CFAP299: variants seen among roughly 807,000 people sequenced by gnomAD.
The protein encoded by CFAP299 is cilia and flagella associated protein 299, also known as cilia- and flagella-associated protein 299.
CFAP299 carries 21 observed loss-of-function variants against 27.0 expected under a neutral mutation model. The observed-to-expected ratio is 0.78, with a 90% CI of 0.55 to 1.12. The LOEUF (loss-of-function observed/expected upper bound fraction) is 1.12, where lower values mean the gene tolerates loss of function less well. Ranked by LOEUF, CFAP299 falls within the 50% of genes most tolerant of loss-of-function variation. The pLI is 0.00. For missense variants in CFAP299, 310 were observed against 276.6 expected (o/e 1.12, Z -0.86); for synonymous variants, 104 against 98.1 (o/e 1.06, Z -0.36).
chr4:80,934,756 C>A (rs1220934570), intron 4 of CFAP299, among the ~76,000 whole-genome samples: 1 of 151,920 alleles, frequency 6.6e-6, no homozygotes, highest in Non-Finnish European at 1.5e-5. Context: ...TCATTTCTAA[C>A]TTTCTTTGGG....
chr4:80,356,782 TAAAG>T (rs1159776770), intron 1 of CFAP299, among the ~76,000 whole-genome samples: 5 of 152,062 alleles, frequency 3.3e-5, no homozygotes, highest in African/African-American at 4.8e-5. Context: ...AATCTGCAAA[TAAAG>T]ACAATTTGAC....
chr4:80,342,462 G>A (rs941608001), intron 1 of CFAP299, among the ~76,000 whole-genome samples: 2 of 152,224 alleles, frequency 1.3e-5, no homozygotes, highest in African/African-American at 4.8e-5. Context: ...TAGACTGACA[G>A]TGGACCTCTC....
intron 4 of CFAP299, among the ~76,000 whole-genome samples, chr4:80,877,769 T>C (rs1211725018): frequency 3.3e-5 from 5 of 152,276 alleles, no homozygotes; most frequent in Non-Finnish European, 7.4e-5. Flanking sequence ...TTCAACTTTT[T>C]ATTATTAATT....
chr4:80,884,618 T>C (rs1733880315), intron 4 of CFAP299, among the ~76,000 whole-genome samples: 1 of 122,250 alleles, frequency 8.2e-6, no homozygotes, highest in South Asian at 2.5e-4. Flanking sequence ...AAGAAAATTA[T>C]AAAATAATAA....
intron 3 of CFAP299, among the ~76,000 whole-genome samples, chr4:80,839,323 G>A (rs1340268846): frequency 6.6e-6 from 1 of 152,104 alleles, no homozygotes; most frequent in African/African-American, 2.4e-5. Context: ...ACATTGTCTA[G>A]AATGTCCTTA....
intron 3 of CFAP299, among the ~76,000 whole-genome samples, chr4:80,689,141 TC>T (rs1268411601): frequency 6.6e-6 from 1 of 152,002 alleles, no homozygotes; most frequent in Admixed American, 6.6e-5. Flanking sequence ...CAGGAGAACT[TC>T]CCCAATCTAG....
rs535927323 is a variant in CFAP299 at position 80,832,776 on chromosome 4, G to T, written c.334-37217G>T. Among the ~76,000 whole-genome samples, 6 of 152,068 alleles carry T rather than the reference G, an allele frequency of 3.9e-5. No individual in the cohort carries two copies. In the South Asian group the frequency reaches 1.2e-3, roughly 32 times the overall value. On this transcript the variant is annotated intron_variant, in intron 3 of 5. Transcript: ENST00000358105. ...TATAAGTTGTGATCATGGAATCATT[G>T]GTTAAGTACAAGTTTTTATCAAATA... is the stretch of plus-strand genomic sequence containing the variant.
intron 3 of CFAP299, among the ~76,000 whole-genome samples, chr4:80,626,289 T>G (rs1169992095): frequency 1.3e-5 from 2 of 151,822 alleles, no homozygotes; most frequent in Non-Finnish European, 2.9e-5. Flanking sequence ...AACTAATAGG[T>G]CAATGAAGAA....
rs147232855 is a variant in CFAP299 at position 80,770,038 on chromosome 4, G to A, written c.334-99955G>A. 7.2e-4 allele frequency among the ~76,000 whole-genome samples: 109 copies of A among 152,204 alleles called. 1 individual carries two copies. The East Asian group carries it at 0.019, about 27-fold the overall frequency. ...AAAAGTAGCAAACTTTCAGAGCTGAGTAGTTTATTAGCTTGTTTCCTGTCA... is the reference window on the plus strand; with the variant it reads ...AAAAGTAGCAAACTTTCAGAGCTGAATAGTTTATTAGCTTGTTTCCTGTCA... On this transcript the variant is annotated intron_variant, in intron 3 of 5. Coordinates refer to ENST00000358105, the MANE Select transcript of CFAP299 (RefSeq NM_152770.3).
At chr4:80,815,752 A>G (rs998121029) in intron 3 of CFAP299, among the ~76,000 whole-genome samples, 1 of 151,982 alleles carries the variant, frequency 6.6e-6, no homozygotes, top group Non-Finnish European at 1.5e-5. Context: ...GCAGAATGAT[A>G]TATAAATTAT....
chr4:80,758,447 G>A (rs926226640), intron 3 of CFAP299, among the ~76,000 whole-genome samples: 1 of 152,088 alleles, frequency 6.6e-6, no homozygotes, highest in Admixed American at 6.5e-5. Flanking sequence ...GGCATAGGAT[G>A]GGGGGAAGGG....
the CFAP299 span, among the ~76,000 whole-genome samples, chr4:80,326,492 A>G: frequency 2.6e-5 from 4 of 152,240 alleles, no homozygotes; most frequent in Non-Finnish European, 5.9e-5. Context: ...GATGGGGCAT[A>G]GTCGCTACAG....
chr4:80,822,218 T>A (rs1054768711), intron 3 of CFAP299, among the ~76,000 whole-genome samples: 3 of 152,198 alleles, frequency 2.0e-5, no homozygotes, highest in Non-Finnish European at 4.4e-5. Context: ...AATACTTTGT[T>A]GAAGGTCTGA....
chr4:80,923,822 G>T (rs1214219829), intron 4 of CFAP299, among the ~76,000 whole-genome samples: 1 of 151,952 alleles, frequency 6.6e-6, no homozygotes, highest in Non-Finnish European at 1.5e-5. Flanking sequence ...GACAATTGGG[G>T]AAATTTGAAC....
intron 3 of CFAP299, among the ~76,000 whole-genome samples, chr4:80,701,829 A>G (rs1042900506): frequency 1.3e-5 from 2 of 152,040 alleles, no homozygotes; most frequent in African/African-American, 4.8e-5. Flanking sequence ...ATGAAATAGA[A>G]TGATTATAAA....
chr4:80,678,487 A>G (rs1249763416), intron 3 of CFAP299, among the ~76,000 whole-genome samples: 1 of 152,046 alleles, frequency 6.6e-6, no homozygotes, highest in African/African-American at 2.4e-5. Context: ...GATCCTTACA[A>G]TAACCTTATA....
chr4:80,415,356 C>G (rs551563703), intron 2 of CFAP299, among the ~76,000 whole-genome samples: 1 of 152,238 alleles, frequency 6.6e-6, no homozygotes, highest in East Asian at 1.9e-4. Context: ...AAAAAATACT[C>G]TTGTAAACAT....
intron 3 of CFAP299, among the ~76,000 whole-genome samples, chr4:80,737,972 T>C (rs892425456): frequency 2.6e-5 from 4 of 152,146 alleles, no homozygotes; most frequent in African/African-American, 9.6e-5. Flanking sequence ...TCCATTTTAA[T>C]TTCTTTATTG....
intron 5 of CFAP299, among the ~76,000 whole-genome samples, chr4:80,954,620 G>C (rs1737955244): frequency 6.6e-6 from 1 of 152,104 alleles, no homozygotes; most frequent in African/African-American, 2.4e-5. Flanking sequence ...CAACTTGGCA[G>C]GTCAGAAAAC....
Sources: allele counts gnomAD v4.1 joint callset (sites outside exome capture counted in the v4.1 genomes callset), GRCh38; gene constraint gnomAD v4.1.1; transcripts MANE v1.5; gene names NCBI Gene and HGNC (gene_info 2026-07-23, HGNC 2026-07-21).